The following DIAPH2 variants were observed in gnomAD, a reference collection of about 807,000 sequenced individuals.
The protein encoded by DIAPH2 is protein diaphanous homolog 2.
Under a neutral mutation model 92.7 loss-of-function variants are expected in DIAPH2, and 35 were observed. The ratio of observed to expected loss-of-function variants is 0.38; its 90% confidence interval spans 0.29 to 0.50. The LOEUF (loss-of-function observed/expected upper bound fraction) is 0.50, where lower values mean the gene tolerates loss of function less well. Ranked by LOEUF, DIAPH2 falls within the 20% of genes least tolerant of loss-of-function variation. DIAPH2 has a pLI of 0.94. For missense variants in DIAPH2, 701 were observed against 819.5 expected (o/e 0.86, Z 1.77); for synonymous variants, 301 against 280.4 (o/e 1.07, Z -0.73).
intron 26 of DIAPH2, among the ~76,000 whole-genome samples, chrX:97,492,658 G>C (rs762478310): frequency 1.4e-4 from 16 of 111,112 alleles, no homozygotes; most frequent in African/African-American, 4.2e-4. Flanking sequence ...GGACAATTTT[G>C]CCAGATATAG....
intron 23 of DIAPH2, among the ~76,000 whole-genome samples, chrX:97,275,643 T>A (rs1176304302): frequency 8.4e-5 from 7 of 82,863 alleles, no homozygotes; most frequent in African/African-American, 3.5e-4. Context: ...CCAAACGGGG[T>A]TGCGGCCGGA....
At chrX:97,294,636 A>C (rs2068628238) in intron 23 of DIAPH2, among the ~76,000 whole-genome samples, 1 of 111,985 alleles carries the variant, frequency 8.9e-6, no homozygotes, top group Admixed American at 9.6e-5. Context: ...TAATATAACA[A>C]TTTAGATATA....
chrX:96,703,009 G>C (rs1185963327), intron 1 of DIAPH2, among the ~76,000 whole-genome samples: 2 of 111,424 alleles, frequency 1.8e-5, no homozygotes, highest in African/African-American at 6.5e-5. Context: ...TACATTTTAG[G>C]GGGAAACAGA....
At chrX:97,525,895 G>C (rs777401753) in intron 26 of DIAPH2, among the ~76,000 whole-genome samples, 1 of 112,155 alleles carries the variant, frequency 8.9e-6, no homozygotes, top group East Asian at 2.8e-4. Context: ...ACTATATGTT[G>C]AATATTTTGA....
At position 97,348,130 on chromosome X, in the gene DIAPH2, T is replaced by G. The variant is rs1011290295; in HGVS notation, c.2859T>G (p.Thr953=). The G allele has an allele frequency of 3.8e-5, 46 of 1,209,467 alleles. No homozygotes were observed. The highest frequency in any genetic ancestry group is 5.0e-5 in the Non-Finnish European group (45 of 895,048). The change falls in exon 24 of 27, where the codon ACT becomes ACG. Residue 953 remains threonine, a synonymous_variant. Coordinates refer to ENST00000324765, the MANE Select transcript of DIAPH2 (RefSeq NM_006729.5). ...CAAAAAGCTACAGCTTTACAAAGACTGCCCGAGAACAGTATGAAAAACTCT... is the reference window on the plus strand; with the variant it reads ...CAAAAAGCTACAGCTTTACAAAGACGGCCCGAGAACAGTATGAAAAACTCT... ...FVEKMTSFTK[T]AREQYEKLST...
chrX:97,369,371 C>A (rs1275889239), intron 24 of DIAPH2, among the ~76,000 whole-genome samples: 1 of 110,095 alleles, frequency 9.1e-6, no homozygotes, highest in Non-Finnish European at 1.9e-5. Context: ...GTGAAGCAGC[C>A]CTTGAAGTCT....
rs191809666 is a variant in DIAPH2, at chrX:96,697,407, C to T, written c.132+12217C>T. On this transcript the variant is annotated intron_variant, in intron 1 of 26. Transcript: ENST00000324765. ...ACACCTGTAATCCCAGCACTTTGGG[C>T]GGCCGAGGCAGGTGGATCACCAGAG... Among the ~76,000 whole-genome samples the T allele has an allele frequency of 8.6e-3, 940 of 109,441 alleles. 10 individuals are homozygous for T. Among genetic ancestry groups the T allele is most frequent in the African/African-American group, 0.03 (899 of 30,005 alleles).
intron 23 of DIAPH2, among the ~76,000 whole-genome samples, chrX:97,312,353 T>A (rs1412165370): frequency 2.6e-5 from 2 of 77,332 alleles, no homozygotes; most frequent in Non-Finnish European, 5.0e-5. Flanking sequence ...TCCTTTTTTT[T>A]TTTTTTTTTT....
At chrX:96,685,322 C>A in intron 1 of DIAPH2, 132 bp downstream of exon 1, 1 of 776,395 alleles carries the variant, frequency 1.3e-6, no homozygotes, top group Non-Finnish European at 1.7e-6. Context: ...CTCGGGGAGC[C>A]GCTAAAGGAG....
At chrX:96,799,933 T>C (rs1367684752) in intron 4 of DIAPH2, among the ~76,000 whole-genome samples, 1 of 110,980 alleles carries the variant, frequency 9.0e-6, no homozygotes, top group Non-Finnish European at 1.9e-5. Flanking sequence ...TAATCAGTAA[T>C]GTAGTGATCC....
intron 5 of DIAPH2, among the ~76,000 whole-genome samples, chrX:96,888,964 A>G (rs1290947052): frequency 9.0e-6 from 1 of 110,985 alleles, no homozygotes; most frequent in Admixed American, 9.7e-5. Flanking sequence ...GTATTCTTTC[A>G]CTGTTGTTAG....
At chrX:97,237,172 A>C (rs1214498603) in intron 22 of DIAPH2, among the ~76,000 whole-genome samples, 1 of 112,150 alleles carries the variant, frequency 8.9e-6, no homozygotes, top group Non-Finnish European at 1.9e-5. Context: ...TACATTCTTC[A>C]TAGCCCTTGC....
chrX:97,074,681 G>A (rs945070744), intron 18 of DIAPH2, among the ~76,000 whole-genome samples: 2 of 111,888 alleles, frequency 1.8e-5, no homozygotes, highest in African/African-American at 6.5e-5. Context: ...TGATGATTTA[G>A]GCACTTTAAT....
intron 9 of DIAPH2, among the ~76,000 whole-genome samples, chrX:96,918,941 T>A (rs1284620495): frequency 8.9e-6 from 1 of 112,013 alleles, no homozygotes; most frequent in Non-Finnish European, 1.9e-5. Context: ...TAACAAGTGT[T>A]AGTGAAGTCG....
chrX:96,812,577 T>G lies in DIAPH2; in HGVS notation c.447+54319T>G, dbSNP rs369840269. Among the ~76,000 whole-genome samples, 72 of 111,719 alleles carry G rather than the reference T, an allele frequency of 6.4e-4. No individual in the cohort carries two copies. The East Asian group carries it at 0.019, about 30-fold the overall frequency. On this transcript the variant is annotated intron_variant, in intron 4 of 26. Transcript: ENST00000324765. ...CCCTCTGCTAGCTTTTGAATTTGTT[T>G]ACTCTCGCTTCTCTAGTTCTTTTAA... is the stretch of plus-strand genomic sequence containing the variant.
chrX:96,925,715 T>C (rs1384356585), intron 9 of DIAPH2, among the ~76,000 whole-genome samples: 1 of 112,040 alleles, frequency 8.9e-6, no homozygotes, highest in Admixed American at 9.5e-5. Context: ...AGAATTGCAG[T>C]CTAGTCCTAG....
rs1328382145 is a variant in DIAPH2, at chrX:97,459,338, T to TA, written c.3241+29594dup. Among the ~76,000 whole-genome samples the TA allele has an allele frequency of 2.7e-5, 3 of 112,072 alleles. No individual in the cohort carries two copies. In the Admixed American group the frequency reaches 2.8e-4, roughly 11 times the overall value. On this transcript the variant is annotated intron_variant, in intron 26 of 26. Transcript: ENST00000324765. Reference sequence around the variant, plus strand: ...GGGTCTAAATCTTGGCTCTGCCACTTACTAGCTTTGTGACCTTGGGGCAGT... The same window carrying TA: ...GGGTCTAAATCTTGGCTCTGCCACTTAACTAGCTTTGTGACCTTGGGGCAGT...
At chrX:97,425,816 G>GT (rs968124173) in intron 25 of DIAPH2, among the ~76,000 whole-genome samples, 1 of 90,709 alleles carries the variant, frequency 1.1e-5, no homozygotes, top group African/African-American at 3.5e-5. Context: ...GGGTGTGTGT[G>GT]TGTATGTATA....
At chrX:97,180,144 T>G (rs1225494966) in intron 22 of DIAPH2, among the ~76,000 whole-genome samples, 1 of 112,295 alleles carries the variant, frequency 8.9e-6, no homozygotes, top group African/African-American at 3.2e-5. Context: ...CACACTGTCT[T>G]TCACAACGGT....
Sources: gnomAD v4.1 joint callset for allele counts (sites outside exome capture counted in the v4.1 genomes callset) on GRCh38, gnomAD v4.1.1 for gene constraint, MANE v1.5 for transcripts, NCBI Gene and HGNC (gene_info 2026-07-23, HGNC 2026-07-21) for gene names.